SMARCA4: variants seen among roughly 807,000 people sequenced by gnomAD.
The protein encoded by SMARCA4 is SWI/SNF-related matrix-associated actin-dependent regulator of chromatin subfamily A member 4.
A neutral mutation model predicts 193.9 loss-of-function variants in SMARCA4; 31 were observed. That is an observed-to-expected ratio of 0.16 (90% CI 0.12 to 0.22). SMARCA4 has a LOEUF of 0.22. Ranked by LOEUF, SMARCA4 falls within the 10% of genes least tolerant of loss-of-function variation. The pLI, the probability that SMARCA4 is intolerant of heterozygous loss-of-function variation, is 1.00. For synonymous variants in SMARCA4, 942 were observed against 933.1 expected (o/e 1.01, Z -0.17); for missense variants, 1,148 against 2,296.0 (o/e 0.50, Z 10.22).
rs1213662418 is a variant in SMARCA4 at position 11,041,052 on chromosome 19, A to G, written c.4171-255A>G. The G allele has an allele frequency of 1.9e-6, 1 of 517,202 alleles. No homozygotes were observed. Among genetic ancestry groups the G allele is most frequent in the Non-Finnish European group, 3.4e-6 (1 of 292,818 alleles). 32.0% of individuals were successfully genotyped at this position (517,202 alleles called of 1,614,324 possible). ...AGAAGATAGTTCTTTTTTTTTGGTC[A>G]AGAAATTCAACCATTAGTTTTTTAA... On this transcript the variant is annotated intron_variant, in intron 29 of 34. Coordinates refer to ENST00000344626, the MANE Select transcript of SMARCA4 (RefSeq NM_003072.5). This position sits in a 1 kb window ranked among gnomAD's most constrained non-coding sequence, Gnocchi z 5.6.
At chr19:10,992,963 T>A (rs1278370396) in intron 8 of SMARCA4, among the ~76,000 whole-genome samples, 1 of 150,950 alleles carries the variant, frequency 6.6e-6, no homozygotes, top group Non-Finnish European at 1.5e-5. Flanking sequence ...TAGCCCTTTT[T>A]AAATTTTTTC....
chr19:11,013,669 A>G (rs540099056), intron 16 of SMARCA4, among the ~76,000 whole-genome samples: 1 of 152,068 alleles, frequency 6.6e-6, no homozygotes, highest in Non-Finnish European at 1.5e-5. Context: ...ACAACCAGCA[A>G]AGTCCATGCA....
At chr19:10,980,956 T>G (rs879264691) in intron 1 of SMARCA4, 15 of 152,386 alleles carry the variant, frequency 9.8e-5, no homozygotes, top group Admixed American at 8.5e-4. Flanking sequence ...TTTGCCATGT[T>G]GCCCAGGCTG....
At chr19:11,061,204 A>ATATATATATATAT (rs1471127800) in intron 34 of SMARCA4, among the ~76,000 whole-genome samples, 2 of 45,220 alleles carry the variant, frequency 4.4e-5, no homozygotes, top group African/African-American at 1.1e-4. Context: ...AAAAAAAAAA[A>ATATATATATATAT]ATATATATAT....
intron 14 of SMARCA4, among the ~76,000 whole-genome samples, chr19:11,009,432 T>C (rs1466525544): frequency 6.6e-6 from 1 of 152,208 alleles, no homozygotes; most frequent in Non-Finnish European, 1.5e-5. Context: ...ACCTTTAGGC[T>C]CATGAATTGT....
Position 11,031,203 on chromosome 19 carries a change from C to T in SMARCA4, c.3546+310C>T, listed in dbSNP as rs1250114219. 8 of 408,630 alleles carry T rather than the reference C, an allele frequency of 2.0e-5. No homozygotes were observed. The highest frequency in any genetic ancestry group is 5.3e-5 in the East Asian group (1 of 19,000). The allele number at this position is 408,630 out of a possible 1,614,324, so 25.3% of individuals were successfully genotyped here. ...GGTGGAAAGTATCCTGATCAATCTG[C>T]GCCGTCACTGTGGGGCGGCCCCTGC... On this transcript the variant is annotated intron_variant, in intron 25 of 34. Coordinates refer to ENST00000344626, the MANE Select transcript of SMARCA4 (RefSeq NM_003072.5). The surrounding 1 kb of genome is among the most constrained non-coding windows in gnomAD (Gnocchi z 4.3).
At chr19:11,003,482 C>A in intron 13 of SMARCA4, 85 bp downstream of exon 13, 2 of 1,289,052 alleles carry the variant, frequency 1.6e-6, no homozygotes, top group Non-Finnish European at 2.3e-6. Flanking sequence ...GTCTCCTGCC[C>A]TGGCTGGGCA....
intron 29 of SMARCA4, among the ~76,000 whole-genome samples, chr19:11,036,519 G>C (rs146041894): frequency 5.6e-4 from 85 of 152,282 alleles, no homozygotes; most frequent in African/African-American, 2.0e-3. Context: ...TCGGCCTGCA[G>C]AGTAGCTGGG....
chr19:10,985,249 G>A lies in SMARCA4; in HGVS notation c.223-24G>A, dbSNP rs745559947. 2 of 1,613,626 alleles carry A rather than the reference G, an allele frequency of 1.2e-6. No individual in the cohort carries two copies. Among genetic ancestry groups the A allele is most frequent in the East Asian group, 2.2e-5 (1 of 44,832 alleles). On this transcript the variant is annotated intron_variant, in intron 2 of 34. Coordinates refer to ENST00000344626, the MANE Select transcript of SMARCA4 (RefSeq NM_003072.5). The surrounding 1 kb of genome is among the most constrained non-coding windows in gnomAD (Gnocchi z 4.5). ...ACCTCACGTTCCACATGCTGACCCT[G>A]CCTTGCCATGGTCCCTCTCGCAGCC...
intron 16 of SMARCA4, among the ~76,000 whole-genome samples, chr19:11,013,874 G>A (rs2089100481): frequency 6.6e-6 from 1 of 152,170 alleles, no homozygotes; most frequent in Non-Finnish European, 1.5e-5. Context: ...ACTTGCCACT[G>A]CCTGGCTCCA....
rs576888581 is a variant in SMARCA4 at position 10,979,119 on chromosome 19, G to C, written c.-31-5002G>C. ...AAGGACTGACAGCAGCAAGTGTTGG[G>C]GTTGATGAAGAGCACCTGGAATGCT... On this transcript the variant is annotated intron_variant, in intron 1 of 34. Coordinates refer to ENST00000344626, the MANE Select transcript of SMARCA4 (RefSeq NM_003072.5). 3.3e-5 allele frequency among the ~76,000 whole-genome samples: 5 copies of C among 152,262 alleles called. No homozygotes were observed. In the South Asian group the frequency reaches 1.0e-3, roughly 32 times the overall value.
rs2146660621 is a variant in SMARCA4 at position 11,033,690 on chromosome 19, G to A, written c.3775-77G>A. On this transcript the variant is annotated intron_variant, in intron 26 of 34. Transcript: ENST00000344626. The surrounding 1 kb of genome is among the most constrained non-coding windows in gnomAD (Gnocchi z 9.8). ...TGAGTACTTGCTTTTTCTTTGAAGT[G>A]GTTTTTTTTTCTAAACTGCTGGTGA... The A allele has an allele frequency of 1.3e-6, 1 of 781,254 alleles. No homozygotes were observed. Among genetic ancestry groups the A allele is most frequent in the South Asian group, 1.4e-5 (1 of 73,854 alleles). The allele number at this position is 781,254 out of a possible 1,614,324, so 48.4% of individuals were successfully genotyped here. A position where few individuals can be genotyped will look rare whatever the true frequency, so the allele number is the denominator to read the frequency against.
chr19:11,050,501 G>C (rs1474919557), intron 30 of SMARCA4, among the ~76,000 whole-genome samples: 1 of 152,232 alleles, frequency 6.6e-6, no homozygotes, highest in African/African-American at 2.4e-5. Flanking sequence ...AGGGGACGAT[G>C]GTCCCTAGCC....
In SMARCA4 at chr19:11,030,951, G is replaced by A. The variant is rs1334068463; in HGVS notation, c.3546+58G>A. On this transcript the variant is annotated intron_variant, in intron 25 of 34. Coordinates refer to ENST00000344626, the MANE Select transcript of SMARCA4 (RefSeq NM_003072.5). The surrounding 1 kb of genome is among the most constrained non-coding windows in gnomAD (Gnocchi z 5.5). The stretch of plus-strand genomic sequence containing the variant: ...AGGAAGGGGGTGCCTGCAAAACCTC[G>A]AGGAGACGGCCCTGGCTTGAGGGTC... 4 of 1,523,416 alleles carry A rather than the reference G, an allele frequency of 2.6e-6. No homozygotes were observed. Among genetic ancestry groups the A allele is most frequent in the Middle Eastern group, 1.7e-4 (1 of 5,842 alleles). The allele number at this position is 1,523,416 out of a possible 1,614,324, so 94.4% of individuals were successfully genotyped here.
In SMARCA4 at chr19:11,033,256, C is replaced by T. The variant is rs2075052438; in HGVS notation, c.3547-34C>T. The T allele has an allele frequency of 6.5e-7, 1 of 1,540,594 alleles. No individual in the cohort carries two copies. Among genetic ancestry groups the T allele is most frequent in the Middle Eastern group, 1.8e-4 (1 of 5,640 alleles). ...ACCTTCCCTTTTATGACCTCCTGGG[C>T]TCCTTTGGGACTGACTGGCACCTCT... On this transcript the variant is annotated intron_variant, in intron 25 of 34. Coordinates refer to ENST00000344626, the MANE Select transcript of SMARCA4 (RefSeq NM_003072.5). The surrounding 1 kb of genome is among the most constrained non-coding windows in gnomAD (Gnocchi z 9.8).
Position 11,033,238 on chromosome 19 carries a change from CT to C in SMARCA4, c.3547-48del. On this transcript the variant is annotated intron_variant, in intron 25 of 34. Coordinates refer to ENST00000344626, the MANE Select transcript of SMARCA4 (RefSeq NM_003072.5). This position sits in a 1 kb window ranked among gnomAD's most constrained non-coding sequence, Gnocchi z 9.8. The stretch of plus-strand genomic sequence containing the variant: ...CAGCTAGTGTCAGAGGCCACCTTCC[CT>C]TTTATGACCTCCTGGGCTCCTTTGG... The C allele has an allele frequency of 2.1e-6, 3 of 1,442,420 alleles. No individual in the cohort carries two copies. Among genetic ancestry groups the C allele is most frequent in the Non-Finnish European group, 2.9e-6 (3 of 1,025,484 alleles). The allele number at this position is 1,442,420 out of a possible 1,614,324, so 89.4% of individuals were successfully genotyped here. A position where few individuals can be genotyped will look rare whatever the true frequency, so the allele number is the denominator to read the frequency against.
rs1246385028 is a variant in SMARCA4, at chr19:10,987,124, G to A, written c.859+121G>A. On this transcript the variant is annotated intron_variant, in intron 5 of 34. Transcript: ENST00000344626. This position sits in a 1 kb window ranked among gnomAD's most constrained non-coding sequence, Gnocchi z 5.3. ...GGGTGGTCAGGCTGAACTGCAGCCT[G>A]TACTTTTCTTGTGGTGGTCCCCGGG... 9 of 741,734 alleles carry A rather than the reference G, an allele frequency of 1.2e-5. No homozygotes were observed. The South Asian group carries it at 1.3e-4, about 11-fold the overall frequency. The allele number at this position is 741,734 out of a possible 1,614,324, so 45.9% of individuals were successfully genotyped here.
intron 29 of SMARCA4, among the ~76,000 whole-genome samples, chr19:11,038,114 T>A (rs2075369664): frequency 6.6e-6 from 1 of 152,178 alleles, no homozygotes; most frequent in African/African-American, 2.4e-5. Context: ...TTTCTCTGCA[T>A]TCTGGGCCAG....
intron 30 of SMARCA4, among the ~76,000 whole-genome samples, chr19:11,051,647 C>T (rs748910319): frequency 7.9e-4 from 120 of 152,018 alleles, no homozygotes; most frequent in Non-Finnish European, 1.4e-3. Flanking sequence ...TGCACCACCA[C>T]GCCCAGCTAA....
Sources: allele counts gnomAD v4.1 joint callset (sites outside exome capture counted in the v4.1 genomes callset), GRCh38; gene constraint gnomAD v4.1.1; non-coding constraint Gnocchi (gnomAD v3.1); transcripts MANE v1.5; gene names NCBI Gene and HGNC (gene_info 2026-07-23, HGNC 2026-07-21).